COL13A1: variants seen among roughly 807,000 people sequenced by gnomAD.
COL13A1 encodes the protein collagen alpha-1(XIII) chain.
COL13A1 carries 89 observed loss-of-function variants against 130.9 expected under a neutral mutation model. The ratio of observed to expected loss-of-function variants is 0.68; its 90% CI spans 0.57 to 0.81. COL13A1 has a LOEUF of 0.81. Among genes scored for constraint, COL13A1 ranks in the 30% least tolerant of loss-of-function variants. COL13A1 has a pLI of 0.00. For synonymous variants in COL13A1, 402 were observed against 341.6 expected, an observed-to-expected ratio of 1.18 and a Z score of -1.95; for missense variants, 879 against 934.6, an observed-to-expected ratio of 0.94 and a Z score of 0.78.
At chr10:69,886,516 G>T (rs1227908663) in intron 7 of COL13A1, among the ~76,000 whole-genome samples, 1 of 152,238 alleles carries the variant, frequency 6.6e-6, no homozygotes, top group Non-Finnish European at 1.5e-5. Context: ...GGGTGAGCCA[G>T]TGTGTCTGAG....
chr10:69,927,011 C>T (rs1218092374), intron 26 of COL13A1, 76 bp from the exon 27 acceptor site: 1 of 1,603,984 alleles, frequency 6.2e-7, no homozygotes, highest in East Asian at 2.2e-5. Flanking sequence ...CCCATGTTTC[C>T]ATGACTGTGC....
At chr10:69,944,223 GC>G (rs1272733313) in intron 36 of COL13A1, 45 bp downstream of exon 36, 1 of 1,540,096 alleles carries the variant, frequency 6.5e-7, no homozygotes, top group Non-Finnish European at 9.0e-7. Flanking sequence ...GGAGGGAGAG[GC>G]ATGCCTGGGA....
chr10:69,950,443 G>A (rs952877014), intron 38 of COL13A1, among the ~76,000 whole-genome samples: 1 of 152,120 alleles, frequency 6.6e-6, no homozygotes, highest in African/African-American at 2.4e-5. Flanking sequence ...TCTGGAACAC[G>A]CCAACCCTCT....
intron 1 of COL13A1, among the ~76,000 whole-genome samples, chr10:69,807,497 C>T (rs146934563): frequency 5.7e-4 from 86 of 152,144 alleles, no homozygotes; most frequent in African/African-American, 2.0e-3. Context: ...CAGTTTTTGC[C>T]ATTGAAAGTA....
chr10:69,948,728 C>T (rs1333703608), intron 38 of COL13A1, among the ~76,000 whole-genome samples: 1 of 152,184 alleles, frequency 6.6e-6, no homozygotes, highest in African/African-American at 2.4e-5. Context: ...GCTGGAGACA[C>T]TGAGCCGTTT....
intron 37 of COL13A1, 95 bp from the exon 38 acceptor site, chr10:69,947,212 G>A (rs2068686121): frequency 2.8e-6 from 3 of 1,070,296 alleles, no homozygotes; most frequent in East Asian, 4.8e-5. Flanking sequence ...CAGTGAGTGA[G>A]GCATTGGGAG....
intron 2 of COL13A1, among the ~76,000 whole-genome samples, chr10:69,859,465 G>T (rs113024716): frequency 6.6e-6 from 1 of 152,148 alleles, no homozygotes; most frequent in African/African-American, 2.4e-5. Context: ...CTGCTCCTCC[G>T]GCAGTCGCCG....
chr10:69,934,318 G>A (rs1001194970), intron 31 of COL13A1, among the ~76,000 whole-genome samples: 1 of 152,190 alleles, frequency 6.6e-6, no homozygotes, highest in Admixed American at 6.5e-5. Flanking sequence ...GAATTAAAAT[G>A]GTAAACTTTT....
chr10:69,878,832 T>C (rs550619075), intron 6 of COL13A1, among the ~76,000 whole-genome samples: 28 of 152,374 alleles, frequency 1.8e-4, no homozygotes, highest in African/African-American at 6.7e-4. Context: ...ACTCATCTGA[T>C]GCCCAAGGAA....
intron 7 of COL13A1, among the ~76,000 whole-genome samples, chr10:69,883,854 G>A (rs118054885): frequency 0.058 from 8,791 of 152,310 alleles, 340 homozygotes; most frequent in Non-Finnish European, 0.083. Context: ...GTTTAGAAGA[G>A]ACTGCAGTGG....
chr10:69,859,767 C>T (rs1041028558), intron 2 of COL13A1, among the ~76,000 whole-genome samples: 11 of 152,244 alleles, frequency 7.2e-5, no homozygotes, highest in African/African-American at 1.4e-4. Flanking sequence ...GGGAGCTGCC[C>T]AGAGGGCTGC....
rs79135400 is a variant in COL13A1 at position 69,822,432 on chromosome 10, C to T, written c.358C>T (p.Pro120Ser). The T allele has an allele frequency of 1.7e-3, 2,663 of 1,590,902 alleles. 53 individuals carry two copies. The East Asian group carries it at 0.047, about 28-fold the overall frequency. Residue 120 changes from proline to serine, a missense_variant, in exon 2 of 41, where the codon CCA (proline) becomes TCA (serine). Pro to Ser is a moderately conservative substitution (Grantham distance 74). Transcript: ENST00000645393. Reference protein sequence around the residue: ...APKTSPGCNCPPGPPGPTGRP... With the variant: ...APKTSPGCNCSPGPPGPTGRP... Reference sequence around the variant, plus strand: ...AAAGACATCTCCAGGATGTAACTGCCCACCAGGTAAGCAGCCCTGCAAATA... The same window carrying T: ...AAAGACATCTCCAGGATGTAACTGCTCACCAGGTAAGCAGCCCTGCAAATA...
chr10:69,805,744 G>A (rs541680279), intron 1 of COL13A1, among the ~76,000 whole-genome samples: 1 of 152,312 alleles, frequency 6.6e-6, no homozygotes, highest in South Asian at 2.1e-4. Context: ...CCCTGTGTAG[G>A]TGTGTTCTCC....
chr10:69,857,183 C>T (rs771046668), intron 2 of COL13A1, among the ~76,000 whole-genome samples: 16 of 152,190 alleles, frequency 1.1e-4, no homozygotes, highest in African/African-American at 3.9e-4. Flanking sequence ...TCAGGACTTA[C>T]GATTCTGACC....
chr10:69,823,830 G>A (rs889389768), intron 2 of COL13A1, among the ~76,000 whole-genome samples: 1 of 152,194 alleles, frequency 6.6e-6, no homozygotes, highest in Non-Finnish European at 1.5e-5. Flanking sequence ...TAGGGCCCGG[G>A]GGTCTGGGAA....
At chr10:69,812,327 T>C (rs1209078510) in intron 1 of COL13A1, among the ~76,000 whole-genome samples, 1 of 152,232 alleles carries the variant, frequency 6.6e-6, no homozygotes, top group Non-Finnish European at 1.5e-5. Flanking sequence ...TGCCAGTTAC[T>C]GCCTATGTGA....
At position 69,925,999 on chromosome 10, in the gene COL13A1, C is replaced by T. The variant is rs1040652587; in HGVS notation, c.1398+127C>T. On this transcript the variant is annotated intron_variant, in intron 26 of 40. Transcript: ENST00000645393. ...CCCTCAGGCCCTCAGGCAGCGCTTCCAGGAGAGCTGCTTCCTCGCTTTCTC... is the reference window on the plus strand; with the variant it reads ...CCCTCAGGCCCTCAGGCAGCGCTTCTAGGAGAGCTGCTTCCTCGCTTTCTC... 5.4e-6 allele frequency: 4 copies of T among 738,442 alleles called. No individual in the cohort carries two copies. In the Admixed American group the frequency reaches 9.8e-5, roughly 18 times the overall value. The allele number at this position is 738,442 out of a possible 1,614,324, so 45.7% of individuals were successfully genotyped here.
At chr10:69,936,499 A>G (rs983128284) in intron 32 of COL13A1, among the ~76,000 whole-genome samples, 1 of 152,144 alleles carries the variant, frequency 6.6e-6, no homozygotes, top group African/African-American at 2.4e-5. Flanking sequence ...TCTTTCTTTC[A>G]TGAGACTCTG....
chr10:69,889,097 A>G (rs1490587199), intron 9 of COL13A1, among the ~76,000 whole-genome samples: 1 of 152,190 alleles, frequency 6.6e-6, no homozygotes, highest in East Asian at 1.9e-4. Context: ...ATGTCACGGG[A>G]CCAGGCATCC....
Sources: gnomAD v4.1 joint callset for allele counts (sites outside exome capture counted in the v4.1 genomes callset) on GRCh38, gnomAD v4.1.1 for gene constraint, MANE v1.5 for transcripts, NCBI Gene and HGNC (gene_info 2026-07-23, HGNC 2026-07-21) for gene names.